The following ZNF805 variants were observed in gnomAD, a reference collection of about 807,000 sequenced individuals.
The protein encoded by ZNF805 is CTC-444N24.8.
ZNF805 carries 7 observed loss-of-function variants against 13.6 expected under a neutral mutation model. The observed-to-expected ratio is 0.51, with a 90% CI of 0.29 to 0.97. The LOEUF (loss-of-function observed/expected upper bound fraction) is 0.97. Ranked by LOEUF, ZNF805 falls within the 50% of genes least tolerant of loss-of-function variation. ZNF805 has a pLI of 0.08. For missense variants in ZNF805, 604 were observed against 771.0 expected (o/e 0.78, Z 2.57); for synonymous variants, 293 against 279.8 (o/e 1.05, Z -0.47).
At position 57,243,922 on chromosome 19, in the gene ZNF805, G is replaced by A. The variant is rs1461493995; in HGVS notation, c.31-1G>A. Reference sequence around the variant, plus strand: ...TCTACTACCTCTATTTGACATTTCAGGTGTCTGTGACCTTTGATGATGTGG... The same window carrying A: ...TCTACTACCTCTATTTGACATTTCAAGTGTCTGTGACCTTTGATGATGTGG... On this transcript the variant is annotated splice_acceptor_variant, in intron 1 of 3. Coordinates refer to ENST00000414468, the MANE Select transcript of ZNF805 (RefSeq NM_001023563.4). LOFTEE classifies it high-confidence loss of function. 1 of 1,614,120 alleles carries A rather than the reference G, an allele frequency of 6.2e-7. No homozygotes were observed. The highest frequency in any genetic ancestry group is 1.3e-5 in the African/African-American group (1 of 75,014).
In ZNF805 at chr19:57,258,458, A is replaced by G. The variant is rs1203129866; in HGVS notation, c.*3755A>G. On this transcript the variant is annotated 3_prime_UTR_variant, in exon 4 of 4. Coordinates refer to ENST00000414468, the MANE Select transcript of ZNF805 (RefSeq NM_001023563.4). ...TTGGGTTTTTTTTTTTTTGTCTTTAACATTTTTTAGAATTCCATTTGATAT... is the reference window on the plus strand; with the variant it reads ...TTGGGTTTTTTTTTTTTTGTCTTTAGCATTTTTTAGAATTCCATTTGATAT... 3.8e-5 allele frequency among the ~76,000 whole-genome samples: 3 copies of G among 78,972 alleles called. No individual in the cohort carries two copies. The highest frequency in any genetic ancestry group is 1.2e-4 in the Admixed American group (1 of 8,062). 51.8% of individuals were successfully genotyped at this position (78,972 alleles called of 152,430 possible).
At chr19:57,249,272 G>A (rs1036668901) in intron 3 of ZNF805, among the ~76,000 whole-genome samples, 3 of 152,100 alleles carry the variant, frequency 2.0e-5, no homozygotes, top group African/African-American at 7.2e-5. Flanking sequence ...TGGGCATTTG[G>A]CTGTACTTGG....
chr19:57,243,857 C>T, intron 1 of ZNF805, 66 bp from the exon 2 acceptor site: 1 of 1,610,638 alleles, frequency 6.2e-7, no homozygotes, highest in Middle Eastern at 1.7e-4. Context: ...TCTTGTTGCA[C>T]CTTTTCCAGC....
chr19:57,254,255 G>C lies in ZNF805; in HGVS notation c.1436G>C (p.Gly479Ala), dbSNP rs1256924811. ...ATTCGCCACTTCAGCATCCACACTGGAGAGAAGCCCTATGAGTGCATGGAG... is the reference window on the plus strand; with the variant it reads ...ATTCGCCACTTCAGCATCCACACTGCAGAGAAGCCCTATGAGTGCATGGAG... The part of the protein sequence containing the change: ...DLIRHFSIHT[G>A]EKPYECMECG... Residue 479 changes from glycine to alanine, a missense_variant, in exon 4 of 4, where the codon GGA becomes GCA. Transcript: ENST00000414468. The C allele has an allele frequency of 1.9e-6, 3 of 1,614,168 alleles. No individual in the cohort carries two copies. Among genetic ancestry groups the C allele is most frequent in the Admixed American group, 1.7e-5 (1 of 60,018 alleles).
Position 57,254,637 on chromosome 19 carries a change from G to A in ZNF805, c.1818G>A (p.Glu606=). The stretch of plus-strand genomic sequence containing the variant: ...CCACTGAGGAAAATCTTTTGCAAGA[G>A]GAAGCATCTTACATGGCATCTGATC... ...NVTTEENLLQ[E]EASYMASDRT... is the part of the protein sequence containing the mutation. Residue 606 remains glutamate, a synonymous_variant, in exon 4 of 4, where the codon GAG becomes GAA. Transcript: ENST00000414468. 1.2e-6 allele frequency: 2 copies of A among 1,614,136 alleles called. No homozygotes were observed. The highest frequency in any genetic ancestry group is 1.7e-6 in the Non-Finnish European group (2 of 1,180,004).
intron 3 of ZNF805, among the ~76,000 whole-genome samples, chr19:57,249,464 A>G (rs577777915): frequency 1.3e-5 from 2 of 152,350 alleles, no homozygotes; most frequent in Admixed American, 6.5e-5. Flanking sequence ...TTGAAGTTGT[A>G]ATCATGTGAT....
chr19:57,246,738 T>G (rs1476252090), intron 2 of ZNF805, among the ~76,000 whole-genome samples: 1 of 146,178 alleles, frequency 6.8e-6, no homozygotes, highest in Non-Finnish European at 1.5e-5. Flanking sequence ...ATCGCGCTAC[T>G]GCACTCCAGC....
rs753781751 is a variant in ZNF805, at chr19:57,258,292, T to C, written c.*3589T>C. Among the ~76,000 whole-genome samples, 1 of 152,180 alleles carries C rather than the reference T, an allele frequency of 6.6e-6. No individual in the cohort carries two copies. Among genetic ancestry groups the C allele is most frequent in the Non-Finnish European group, 1.5e-5 (1 of 68,022 alleles). On this transcript the variant is annotated 3_prime_UTR_variant, in exon 4 of 4. Transcript: ENST00000414468. The stretch of plus-strand genomic sequence containing the variant: ...TGCTGGGATTACAGGTATGTGTCAC[T>C]GTGTCTGGCCCCAGTTTGCATATTT...
At chr19:57,245,515 C>T (rs1000399749) in intron 2 of ZNF805, among the ~76,000 whole-genome samples, 6 of 152,112 alleles carry the variant, frequency 3.9e-5, no homozygotes, top group Non-Finnish European at 8.8e-5. Context: ...TGCGATAGCT[C>T]ATGCCTGTAA....
chr19:57,244,426 G>C (rs942758464), intron 2 of ZNF805, among the ~76,000 whole-genome samples: 2 of 151,834 alleles, frequency 1.3e-5, no homozygotes, highest in South Asian at 4.2e-4. Flanking sequence ...GGCCAGGCTG[G>C]TCTCAAACTC....
chr19:57,253,551 A>G lies in ZNF805; in HGVS notation c.732A>G (p.Thr244=). The change falls in exon 4 of 4, where the codon ACA becomes ACG. Residue 244 remains threonine, a synonymous_variant. Transcript: ENST00000414468. The surrounding 1 kb of genome is among the most constrained non-coding windows in gnomAD (Gnocchi z 4.4). ...TECGKTFSKS[T]YLLQHHMVHT... Reference sequence around the variant, plus strand: ...GTGGAAAAACCTTTAGCAAGAGTACATACCTCCTGCAGCACCACATGGTCC... The same window carrying G: ...GTGGAAAAACCTTTAGCAAGAGTACGTACCTCCTGCAGCACCACATGGTCC... 3 of 1,613,750 alleles carry G rather than the reference A, an allele frequency of 1.9e-6. No individual in the cohort carries two copies. Among genetic ancestry groups the G allele is most frequent in the Non-Finnish European group, 2.5e-6 (3 of 1,179,800 alleles).
At chr19:57,244,484 T>A (rs369722858) in intron 2 of ZNF805, among the ~76,000 whole-genome samples, 12 of 152,162 alleles carry the variant, frequency 7.9e-5, no homozygotes, top group African/African-American at 2.9e-4. Flanking sequence ...GTGCTGGGAT[T>A]ACAGGTGTGA....
chr19:57,256,743 A>G lies in ZNF805; in HGVS notation c.*2040A>G, dbSNP rs1250450583. ...TATGTCAATTTCATTGATCATTTCAAAGAAATAGCACTTTATATCACTGAT... is the reference window on the plus strand; with the variant it reads ...TATGTCAATTTCATTGATCATTTCAGAGAAATAGCACTTTATATCACTGAT... On this transcript the variant is annotated 3_prime_UTR_variant, in exon 4 of 4. Coordinates refer to ENST00000414468, the MANE Select transcript of ZNF805 (RefSeq NM_001023563.4). Among the ~76,000 whole-genome samples the G allele has an allele frequency of 6.6e-6, 1 of 152,146 alleles. No individual in the cohort carries two copies. Among genetic ancestry groups the G allele is most frequent in the Non-Finnish European group, 1.5e-5 (1 of 68,002 alleles).
intron 3 of ZNF805, among the ~76,000 whole-genome samples, chr19:57,251,204 A>T (rs775593659): frequency 1.2e-4 from 19 of 152,138 alleles, no homozygotes; most frequent in Non-Finnish European, 4.4e-5. Flanking sequence ...GATCATTCTC[A>T]TTGTTTTCTA....
chr19:57,243,697 C>T (rs1321906512), intron 1 of ZNF805, among the ~76,000 whole-genome samples: 1 of 152,180 alleles, frequency 6.6e-6, no homozygotes, highest in African/African-American at 2.4e-5. Flanking sequence ...CGAGTTATTG[C>T]CATTGTCTTC....
At chr19:57,243,308 G>A (rs113256668) in intron 1 of ZNF805, among the ~76,000 whole-genome samples, 8 of 152,152 alleles carry the variant, frequency 5.3e-5, no homozygotes, top group African/African-American at 1.9e-4. Flanking sequence ...GGTGATTGGC[G>A]GTGGTGTTTA....
chr19:57,243,117 A>G (rs1209760364), intron 1 of ZNF805, among the ~76,000 whole-genome samples: 1 of 152,180 alleles, frequency 6.6e-6, no homozygotes, highest in Non-Finnish European at 1.5e-5. Flanking sequence ...TTGGGCGGCT[A>G]AGGCAGAAGG....
Position 57,255,562 on chromosome 19 carries a change from A to G in ZNF805, c.*859A>G, listed in dbSNP as rs532354039. Among the ~76,000 whole-genome samples, 27 of 152,276 alleles carry G rather than the reference A, an allele frequency of 1.8e-4. No individual in the cohort carries two copies. The highest frequency in any genetic ancestry group is 3.4e-3 in the Middle Eastern group (1 of 294). ...ATAGTTTACACAGTATAACTCCTGC[A>G]CATTTAAAATAAGAATTATAGCTGC... is the stretch of plus-strand genomic sequence containing the variant. On this transcript the variant is annotated 3_prime_UTR_variant, in exon 4 of 4. Coordinates refer to ENST00000414468, the MANE Select transcript of ZNF805 (RefSeq NM_001023563.4).
chr19:57,245,645 G>A (rs553030627), intron 2 of ZNF805, among the ~76,000 whole-genome samples: 2,670 of 150,176 alleles, frequency 0.018, 58 homozygotes, highest in African/African-American at 0.061. Context: ...CGGGCGTGGT[G>A]GCGGGTGCCT....
Sources: allele counts gnomAD v4.1 joint callset (sites outside exome capture counted in the v4.1 genomes callset), GRCh38; gene constraint gnomAD v4.1.1; non-coding constraint Gnocchi (gnomAD v3.1); transcripts MANE v1.5; gene names NCBI Gene and HGNC (gene_info 2026-07-23, HGNC 2026-07-21).